TENM2: variants seen among roughly 807,000 people sequenced by gnomAD.
TENM2 encodes the protein teneurin transmembrane protein 2.
In TENM2, 52 loss-of-function variants were observed where a neutral mutation model predicts 245.2. The ratio of observed to expected loss-of-function variants is 0.21; its 90% CI spans 0.17 to 0.27. The LOEUF (loss-of-function observed/expected upper bound fraction) is 0.27, where lower values mean the gene tolerates loss of function less well. Ranked by LOEUF, TENM2 falls within the 10% of genes least tolerant of loss-of-function variation. The pLI, the probability that TENM2 is intolerant of heterozygous loss-of-function variation, is 1.00. For synonymous variants in TENM2, 1,363 were observed against 1,438.9 expected (o/e 0.95, Z 1.19); for missense variants, 3,046 against 3,666.8 (o/e 0.83, Z 4.37).
At chr5:167,022,405 G>T in the TENM2 span, among the ~76,000 whole-genome samples, 1 of 152,178 alleles carries the variant, frequency 6.6e-6, no homozygotes, top group Non-Finnish European at 1.5e-5. Context: ...ATGGTTAAAA[G>T]ATGGATTTCA....
At chr5:168,012,690 ATTCC>A (rs1785327683) in intron 5 of TENM2, among the ~76,000 whole-genome samples, 1 of 147,352 alleles carries the variant, frequency 6.8e-6, no homozygotes. Context: ...TGAGGGGGCA[ATTCC>A]AAAGTCCTTC....
At chr5:167,882,201 C>T (rs1178622569) in intron 3 of TENM2, among the ~76,000 whole-genome samples, 41 of 152,100 alleles carry the variant, frequency 2.7e-4, no homozygotes, top group Admixed American at 2.2e-3. Context: ...TTTCTTAAAA[C>T]GAAATACAGC....
At chr5:168,099,170 A>C (rs1793607477) in intron 9 of TENM2, among the ~76,000 whole-genome samples, 1 of 152,050 alleles carries the variant, frequency 6.6e-6, no homozygotes, top group African/African-American at 2.4e-5. Context: ...TTATCCTCCC[A>C]AAGTGCTAGG....
the TENM2 span, among the ~76,000 whole-genome samples, chr5:167,221,752 G>A: frequency 1.3e-5 from 2 of 152,160 alleles, no homozygotes; most frequent in African/African-American, 2.4e-5. Context: ...GGAGTGGGAG[G>A]TAGAAATTCA....
At chr5:167,952,408 C>G (rs1421287717) in intron 3 of TENM2, 180 bp from the exon 6 acceptor site, 1 of 605,094 alleles carries the variant, frequency 1.7e-6, no homozygotes, top group African/African-American at 1.9e-5. Flanking sequence ...AATCAAAGCC[C>G]ATTATTTATT....
chr5:168,028,754 G>A (rs1318443512), intron 5 of TENM2, among the ~76,000 whole-genome samples: 1 of 149,784 alleles, frequency 6.7e-6, no homozygotes, highest in Non-Finnish European at 1.5e-5. Context: ...CCTAAATCGA[G>A]CAGGGTTGAT....
the TENM2 span, among the ~76,000 whole-genome samples, chr5:166,999,849 G>A: frequency 1.3e-5 from 2 of 150,358 alleles, no homozygotes; most frequent in African/African-American, 5.0e-5. Context: ...AGTGGTGTGT[G>A]AGCAGAATTG....
chr5:167,768,247 A>G (rs1040607153), intron 2 of TENM2, among the ~76,000 whole-genome samples: 1 of 152,122 alleles, frequency 6.6e-6, no homozygotes, highest in Admixed American at 6.6e-5. Flanking sequence ...GCTTCCACAT[A>G]AGTAGATAGT....
chr5:167,732,791 C>T (rs1216482211), intron 2 of TENM2, among the ~76,000 whole-genome samples: 1 of 152,182 alleles, frequency 6.6e-6, no homozygotes, highest in African/African-American at 2.4e-5. Context: ...GATTTACAAA[C>T]AGACCATAGA....
At chr5:168,148,380 A>T (rs909060919) in intron 12 of TENM2, among the ~76,000 whole-genome samples, 1 of 152,246 alleles carries the variant, frequency 6.6e-6, no homozygotes, top group Non-Finnish European at 1.5e-5. Context: ...CCATTGTACA[A>T]GCTTTCAAGA....
intron 3 of TENM2, among the ~76,000 whole-genome samples, chr5:167,901,888 G>A (rs919561260): frequency 6.6e-6 from 1 of 152,066 alleles, no homozygotes; most frequent in Non-Finnish European, 1.5e-5. Context: ...TAAAATTGTA[G>A]AGGTAGAAAT....
chr5:167,266,740 C>T, the TENM2 span, among the ~76,000 whole-genome samples: 12 of 152,232 alleles, frequency 7.9e-5, no homozygotes, highest in East Asian at 1.7e-3. Flanking sequence ...TCAAGTACCT[C>T]GTGTGTTGCA....
rs531159720 is a variant in TENM2, at chr5:167,543,161, G to A, written c.502+167688G>A. ...TGCTCACTCAAGCTTAAGCACTTCC[G>A]TTTAGAGAGCATCGGAGGGGGTGGT... On this transcript the variant is annotated intron_variant, in intron 2 of 28. Transcript: ENST00000518659. Among the ~76,000 whole-genome samples, 82 of 152,236 alleles carry A rather than the reference G, an allele frequency of 5.4e-4. 1 individual carries two copies. Among genetic ancestry groups the A allele is most frequent in the Middle Eastern group, 3.4e-3 (1 of 294 alleles).
intron 2 of TENM2, among the ~76,000 whole-genome samples, chr5:167,394,709 C>G (rs1328214115): frequency 6.6e-6 from 1 of 152,064 alleles, no homozygotes; most frequent in Non-Finnish European, 1.5e-5. Context: ...GATTCTCCTG[C>G]CTCAATCTCC....
intron 1 of TENM2, among the ~76,000 whole-genome samples, chr5:167,314,000 A>C (rs566817558): frequency 6.6e-6 from 1 of 152,102 alleles, no homozygotes; most frequent in Non-Finnish European, 1.5e-5. Flanking sequence ...CCTCTACCGG[A>C]TTATGTCATC....
chr5:168,114,639 C>T (rs1794920959), intron 9 of TENM2, among the ~76,000 whole-genome samples: 1 of 152,180 alleles, frequency 6.6e-6, no homozygotes, highest in Admixed American at 6.5e-5. Flanking sequence ...GCACTCTGCC[C>T]CATGGCAACT....
At position 167,375,372 on chromosome 5, in the gene TENM2, GA is replaced by G; in HGVS notation, c.402del (p.Ile136Ter). ...GAACACGCCATCAGACTGTGGGGCA[GA>G]GGGATAAAATCCAGGCGCAGTTCCG... On this transcript the variant is annotated frameshift_variant, in exon 2 of 29. Transcript: ENST00000518659. LOFTEE classifies it high-confidence loss of function. The G allele has an allele frequency of 6.4e-7, 1 of 1,551,714 alleles. No homozygotes were observed. Among genetic ancestry groups the G allele is most frequent in the Non-Finnish European group, 8.7e-7 (1 of 1,146,996 alleles).
At chr5:167,688,830 G>A (rs1241187898) in intron 2 of TENM2, among the ~76,000 whole-genome samples, 1 of 152,190 alleles carries the variant, frequency 6.6e-6, no homozygotes, top group Admixed American at 6.5e-5. Flanking sequence ...CTCAGGCTGG[G>A]TGATTTTATT....
chr5:167,227,603 A>C, the TENM2 span, among the ~76,000 whole-genome samples: 1 of 152,118 alleles, frequency 6.6e-6, no homozygotes, highest in Non-Finnish European at 1.5e-5. Flanking sequence ...CTGGTCTGTA[A>C]GGTTTCTATG....
Sources: allele counts gnomAD v4.1 joint callset (sites outside exome capture counted in the v4.1 genomes callset), GRCh38; gene constraint gnomAD v4.1.1; transcripts MANE v1.5; gene names NCBI Gene and HGNC (gene_info 2026-07-23, HGNC 2026-07-21).